Variants in HGD observed in about 807,000 individuals in gnomAD.
The protein encoded by HGD is homogentisate 1,2-dioxygenase, also known as homogentisate oxidase.
In HGD, 61 loss-of-function variants were observed where a neutral mutation model predicts 60.8. The ratio of observed to expected loss-of-function variants is 1.00; its 90% CI spans 0.82 to 1.24. The LOEUF is 1.24. HGD is among the 50% of genes most tolerant of loss of function. The pLI, the probability that HGD is intolerant of heterozygous loss-of-function variation, is 0.00. For missense variants in HGD, 542 were observed against 547.1 expected, an observed-to-expected ratio of 0.99 and a Z score of 0.09; for synonymous variants, 212 against 187.7, an observed-to-expected ratio of 1.13 and a Z score of -1.06.
At chr3:120,675,640 C>T in intron 2 of HGD, 152 bp downstream of exon 2, 1 of 690,656 alleles carries the variant, frequency 1.4e-6, no homozygotes, top group South Asian at 1.5e-5. Context: ...TGTCATTGCT[C>T]TGTATCTTCA....
At chr3:120,642,739 C>T (rs1462290156) in intron 10 of HGD, among the ~76,000 whole-genome samples, 1 of 152,220 alleles carries the variant, frequency 6.6e-6, no homozygotes, top group Admixed American at 6.5e-5. Context: ...GATGCAGCTA[C>T]TGTCAGAAAC....
chr3:120,640,198 T>A (rs1940923191), intron 11 of HGD, among the ~76,000 whole-genome samples: 1 of 104,602 alleles, frequency 9.6e-6, no homozygotes, highest in African/African-American at 3.7e-5. Context: ...AAAATAAAAG[T>A]TAAAAAAAAA....
At chr3:120,646,857 TC>T (rs1328443732) in intron 8 of HGD, 115 bp downstream of exon 8, 1 of 865,798 alleles carries the variant, frequency 1.2e-6, no homozygotes, top group Non-Finnish European at 2.0e-6. Flanking sequence ...TCAGATTCCC[TC>T]CTCGTTGCCC....
Position 120,638,593 on chromosome 3 carries a change from C to T in HGD, c.880-12G>A. On this transcript the variant is annotated splice_polypyrimidine_tract_variant and intron_variant, in intron 11 of 13. Transcript: ENST00000283871. Reference sequence around the variant, plus strand: ...AAAATGGATGGGTCCTGTGAACACACAAGGAGAGACTGAACGCATGATGCA... The same window carrying T: ...AAAATGGATGGGTCCTGTGAACACATAAGGAGAGACTGAACGCATGATGCA... 6 of 1,613,704 alleles carry T rather than the reference C, an allele frequency of 3.7e-6. No individual in the cohort carries two copies. Among genetic ancestry groups the T allele is most frequent in the Non-Finnish European group, 5.1e-6 (6 of 1,179,842 alleles).
rs562118195 is a variant in HGD at position 120,635,844 on chromosome 3, A to G, written c.1007-2516T>C. Among the ~76,000 whole-genome samples the G allele has an allele frequency of 7.9e-5, 12 of 152,296 alleles. No individual in the cohort carries two copies. The East Asian group carries it at 2.3e-3, about 29-fold the overall frequency. The stretch of plus-strand genomic sequence containing the variant: ...GGAATGGGTTGAGACCCTATAGCAC[A>G]GTAGCAAACTTGTCTAAATCAGATG... On this transcript the variant is annotated intron_variant, in intron 12 of 13. Coordinates refer to ENST00000283871, the MANE Select transcript of HGD (RefSeq NM_000187.4).
At position 120,647,042 on chromosome 3, in the gene HGD, T is replaced by C; in HGVS notation, c.480A>G (p.Lys160=). Residue 160 remains lysine, a synonymous_variant, in exon 8 of 14, where the codon AAA becomes AAG. Coordinates refer to ENST00000283871, the MANE Select transcript of HGD (RefSeq NM_000187.4). ...SDGDFLIVPQ[K]GNLLIYTEFG... is the part of the protein sequence containing the mutation. ...ACTCGGTGTAAATGAGAAGGTTCCC[T>C]TTCTGCGGAACTGACAAAAAAAGAC... The C allele has an allele frequency of 2.5e-6, 4 of 1,613,984 alleles. No individual in the cohort carries two copies. The highest frequency in any genetic ancestry group is 3.4e-6 in the Non-Finnish European group (4 of 1,179,828).
At position 120,653,422 on chromosome 3, in the gene HGD, C is replaced by T. The variant is rs1473343855; in HGVS notation, c.283-771G>A. Among the ~76,000 whole-genome samples, 8 of 152,108 alleles carry T rather than the reference C, an allele frequency of 5.3e-5. No individual in the cohort carries two copies. The East Asian group carries it at 9.6e-4, about 18-fold the overall frequency. On this transcript the variant is annotated intron_variant, in intron 4 of 13. Transcript: ENST00000283871. ...AGCTGCCACGTTTCATGGAGCGACCCGCACCCTGAAGACTAGCTCCACTGG... is the reference window on the plus strand; with the variant it reads ...AGCTGCCACGTTTCATGGAGCGACCTGCACCCTGAAGACTAGCTCCACTGG...
intron 4 of HGD, among the ~76,000 whole-genome samples, chr3:120,661,257 C>A (rs2551578): frequency 6.6e-6 from 1 of 152,172 alleles, no homozygotes; most frequent in Non-Finnish European, 1.5e-5. Context: ...TGTACCTGGT[C>A]TTCCAAATTG....
At chr3:120,638,694 T>C (rs148678509) in intron 11 of HGD, 113 bp from the exon 12 acceptor site, 14,708 of 1,231,988 alleles carry the variant, frequency 0.012, 367 homozygotes, top group Admixed American at 0.097. Context: ...AATTTTTTTA[T>C]TTATTTTTAT....
chr3:120,668,388 T>C (rs1472937507), intron 4 of HGD, among the ~76,000 whole-genome samples: 1 of 152,084 alleles, frequency 6.6e-6, no homozygotes, highest in Non-Finnish European at 1.5e-5. Flanking sequence ...AAGGTGTCTA[T>C]AAATTATTTT....
intron 1 of HGD, among the ~76,000 whole-genome samples, chr3:120,676,702 C>A (rs1708137624): frequency 6.6e-6 from 1 of 152,174 alleles, no homozygotes; most frequent in Admixed American, 6.5e-5. Context: ...AGGGTTAGAA[C>A]CCTTTTTGCT....
rs370595586 is a variant in HGD, at chr3:120,663,718, C to T, written c.282+6709G>A. Among the ~76,000 whole-genome samples, 68 of 151,908 alleles carry T rather than the reference C, an allele frequency of 4.5e-4. 1 individual carries two copies. Among genetic ancestry groups the T allele is most frequent in the Non-Finnish European group, 9.6e-4 (65 of 67,976 alleles). On this transcript the variant is annotated intron_variant, in intron 4 of 13. Transcript: ENST00000283871. Reference sequence around the variant, plus strand: ...TAGAGGAGAAAAGGATTATATTTAGCGTGGATTTACTACATAATAGCAAAA... The same window carrying T: ...TAGAGGAGAAAAGGATTATATTTAGTGTGGATTTACTACATAATAGCAAAA...
rs139069084 is a variant in HGD at position 120,644,864 on chromosome 3, C to T, written c.650-421G>A. 6.4e-3 allele frequency among the ~76,000 whole-genome samples: 977 copies of T among 151,934 alleles called. 4 individuals are homozygous for T. Among genetic ancestry groups the T allele is most frequent in the Non-Finnish European group, 0.011 (732 of 67,954 alleles). Reference sequence around the variant, plus strand: ...TTGATCTCAGATAGAAAGGGTTACACGCTGTTGCCTAAGGCATGCCTCTGC... The same window carrying T: ...TTGATCTCAGATAGAAAGGGTTACATGCTGTTGCCTAAGGCATGCCTCTGC... On this transcript the variant is annotated intron_variant, in intron 9 of 13. Coordinates refer to ENST00000283871, the MANE Select transcript of HGD (RefSeq NM_000187.4).
At chr3:120,654,717 G>A (rs1440990802) in intron 4 of HGD, among the ~76,000 whole-genome samples, 1 of 152,172 alleles carries the variant, frequency 6.6e-6, no homozygotes, top group Non-Finnish European at 1.5e-5. Context: ...CAGTAGCAGG[G>A]GATTTTCTGC....
intron 10 of HGD, among the ~76,000 whole-genome samples, chr3:120,642,942 C>A (rs1241736210): frequency 6.6e-6 from 1 of 152,184 alleles, no homozygotes; most frequent in African/African-American, 2.4e-5. Context: ...CAGAAAATAA[C>A]CAGCACAGGG....
chr3:120,653,976 C>G (rs1443460256), intron 4 of HGD, among the ~76,000 whole-genome samples: 1 of 152,166 alleles, frequency 6.6e-6, no homozygotes, highest in Non-Finnish European at 1.5e-5. Flanking sequence ...CCAAACATCA[C>G]TTGGGGGAAA....
intron 12 of HGD, among the ~76,000 whole-genome samples, chr3:120,637,307 G>GAA (rs63466560): frequency 0.022 from 2,451 of 113,616 alleles, 70 homozygotes; most frequent in Admixed American, 0.071. Flanking sequence ...TTAATTTTCT[G>GAA]AAAAAAAAAA....
At chr3:120,681,758 G>C (rs1191913530) in intron 1 of HGD, among the ~76,000 whole-genome samples, 1 of 152,200 alleles carries the variant, frequency 6.6e-6, no homozygotes, top group East Asian at 1.9e-4. Context: ...GCAGCAATGG[G>C]AAGGTGTCAG....
At chr3:120,635,228 A>T (rs527977709) in intron 12 of HGD, among the ~76,000 whole-genome samples, 15 of 152,322 alleles carry the variant, frequency 9.8e-5, no homozygotes, top group Non-Finnish European at 1.9e-4. Flanking sequence ...CTGTAATCCC[A>T]GCACTTTGGG....
Sources: allele counts gnomAD v4.1 joint callset (sites outside exome capture counted in the v4.1 genomes callset), GRCh38; gene constraint gnomAD v4.1.1; transcripts MANE v1.5; gene names NCBI Gene and HGNC (gene_info 2026-07-23, HGNC 2026-07-21).